Variants in TASP1 observed in about 807,000 individuals in gnomAD.
The protein encoded by TASP1 is taspase 1.
TASP1 carries 16 observed loss-of-function variants against 56.6 expected under a neutral mutation model. The ratio of observed to expected loss-of-function variants is 0.28; its 90% CI spans 0.19 to 0.43. The LOEUF (loss-of-function observed/expected upper bound fraction) is 0.43, where lower values mean the gene tolerates loss of function less well. Ranked by LOEUF, TASP1 falls within the 20% of genes least tolerant of loss-of-function variation. The pLI is 1.00. For missense variants in TASP1, 393 were observed against 511.6 expected, an observed-to-expected ratio of 0.77 and a Z score of 2.24; for synonymous variants, 179 against 184.2, an observed-to-expected ratio of 0.97 and a Z score of 0.23.
the TASP1 span, among the ~76,000 whole-genome samples, chr20:13,314,837 A>G: frequency 2.0e-5 from 3 of 152,124 alleles, no homozygotes; most frequent in African/African-American, 7.2e-5. Context: ...CTATATGTTT[A>G]TACATGCATG....
At chr20:13,180,055 C>T in the TASP1 span, among the ~76,000 whole-genome samples, 1 of 152,156 alleles carries the variant, frequency 6.6e-6, no homozygotes, top group African/African-American at 2.4e-5. Flanking sequence ...GGCCTCCCCA[C>T]CTCATTCTGA....
the TASP1 span, among the ~76,000 whole-genome samples, chr20:13,211,104 T>G: frequency 6.6e-6 from 1 of 152,260 alleles, no homozygotes; most frequent in Non-Finnish European, 1.5e-5. Flanking sequence ...ATAACAGAAG[T>G]ACTGAACGAA....
intron 11 of TASP1, among the ~76,000 whole-genome samples, chr20:13,474,521 T>C (rs1429039767): frequency 1.3e-5 from 2 of 152,218 alleles, no homozygotes; most frequent in Non-Finnish European, 2.9e-5. Flanking sequence ...ATATTTTCTT[T>C]ATCCACTCGT....
intron 11 of TASP1, among the ~76,000 whole-genome samples, chr20:13,456,216 GC>G (rs1209599458): frequency 2.6e-5 from 4 of 152,096 alleles, no homozygotes; most frequent in Non-Finnish European, 4.4e-5. Flanking sequence ...AAGACATTTT[GC>G]TTGCTGACTT....
intron 11 of TASP1, among the ~76,000 whole-genome samples, chr20:13,448,117 T>C (rs1212487785): frequency 2.0e-5 from 3 of 152,148 alleles, no homozygotes; most frequent in African/African-American, 4.8e-5. Flanking sequence ...TTTTTAATTT[T>C]AGAACTTCAG....
chr20:13,388,797 A>T (rs2041182851), downstream of TASP1, among the ~76,000 whole-genome samples: 1 of 152,228 alleles, frequency 6.6e-6, no homozygotes, highest in East Asian at 1.9e-4. Context: ...CAGCAAGACA[A>T]ATGTAATTGC....
At chr20:13,162,703 C>A in the TASP1 span, among the ~76,000 whole-genome samples, 1 of 152,184 alleles carries the variant, frequency 6.6e-6, no homozygotes, top group African/African-American at 2.4e-5. Context: ...ACTCTAGCCT[C>A]GCTTTCATTC....
chr20:13,342,777 T>C, the TASP1 span, among the ~76,000 whole-genome samples: 1 of 152,052 alleles, frequency 6.6e-6, no homozygotes, highest in Non-Finnish European at 1.5e-5. Context: ...AATCACACCC[T>C]CCCTTCTGGA....
chr20:13,263,638 C>T, the TASP1 span, among the ~76,000 whole-genome samples: 2 of 152,096 alleles, frequency 1.3e-5, no homozygotes, highest in African/African-American at 2.4e-5. Flanking sequence ...AATCGATGCT[C>T]GGCACAGATA....
the TASP1 span, among the ~76,000 whole-genome samples, chr20:13,118,900 G>A: frequency 6.6e-6 from 1 of 152,246 alleles, no homozygotes; most frequent in Non-Finnish European, 1.5e-5. Context: ...TGCTTAAAAT[G>A]TTCAGAGTTT....
chr20:13,343,267 C>G, the TASP1 span, among the ~76,000 whole-genome samples: 1 of 152,208 alleles, frequency 6.6e-6, no homozygotes, highest in African/African-American at 2.4e-5. Context: ...AAACCTCAGC[C>G]AGGCCTACCC....
chr20:13,531,419 T>C (rs1465453304), intron 9 of TASP1, among the ~76,000 whole-genome samples: 1 of 152,010 alleles, frequency 6.6e-6, no homozygotes. Flanking sequence ...GTCCAAACTG[T>C]AAATTCAAAT....
chr20:13,223,531 C>G, the TASP1 span, among the ~76,000 whole-genome samples: 12 of 152,176 alleles, frequency 7.9e-5, no homozygotes, highest in African/African-American at 2.9e-4. Flanking sequence ...CAAATTTTGT[C>G]TCTACCAGGA....
the TASP1 span, among the ~76,000 whole-genome samples, chr20:13,359,750 G>T: frequency 6.6e-6 from 1 of 151,744 alleles, no homozygotes; most frequent in African/African-American, 2.4e-5. Context: ...TAAATTATCT[G>T]CTTCCCTGAC....
At chr20:13,425,554 G>C (rs546199224) in intron 12 of TASP1, among the ~76,000 whole-genome samples, 32 of 152,238 alleles carry the variant, frequency 2.1e-4, no homozygotes, top group Admixed American at 3.9e-4. Flanking sequence ...TCCCAGACTT[G>C]CTTGCAAGGA....
At position 13,618,276 on chromosome 20, in the gene TASP1, G is replaced by A. The variant is rs928364803; in HGVS notation, c.282+5170C>T. The stretch of plus-strand genomic sequence containing the variant: ...AACACAAAAAAAATTAGCCAGGTGT[G>A]GTGGCGCACGCCTGTAGTCCCAACT... On this transcript the variant is annotated intron_variant, in intron 4 of 13. Transcript: ENST00000337743. Among the ~76,000 whole-genome samples the A allele has an allele frequency of 3.3e-5, 5 of 152,138 alleles. 1 individual carries two copies. The East Asian group carries it at 9.7e-4, about 29-fold the overall frequency.
At chr20:13,544,822 C>T (rs1020500894) in intron 8 of TASP1, among the ~76,000 whole-genome samples, 13 of 152,110 alleles carry the variant, frequency 8.5e-5, no homozygotes, top group African/African-American at 2.9e-4. Context: ...GAGAGCTCTG[C>T]CAGCCTTTAA....
At chr20:13,632,617 C>T (rs1489700329) in intron 1 of TASP1, among the ~76,000 whole-genome samples, 1 of 152,030 alleles carries the variant, frequency 6.6e-6, no homozygotes. Flanking sequence ...CTCAACAAAC[C>T]CCTCCAAAAA....
At chr20:13,372,975 T>A in the TASP1 span, among the ~76,000 whole-genome samples, 1 of 152,146 alleles carries the variant, frequency 6.6e-6, no homozygotes, top group East Asian at 1.9e-4. Context: ...ATAGATGCCA[T>A]AAACCTAACA....
Sources: gnomAD v4.1 joint callset for allele counts (sites outside exome capture counted in the v4.1 genomes callset) on GRCh38, gnomAD v4.1.1 for gene constraint, MANE v1.5 for transcripts, NCBI Gene and HGNC (gene_info 2026-07-23, HGNC 2026-07-21) for gene names.